ASH1L: variants seen among roughly 807,000 people sequenced by gnomAD.
ASH1L encodes ASH1 like histone lysine methyltransferase.
A neutral mutation model predicts 269.0 loss-of-function variants in ASH1L; 23 were observed. The ratio of observed to expected loss-of-function variants is 0.09; its 90% CI spans 0.06 to 0.12. The LOEUF is 0.12. Ranked by LOEUF, ASH1L falls within the 10% of genes least tolerant of loss-of-function variation. ASH1L has a pLI of 1.00. For missense variants in ASH1L, 2,912 were observed against 3,567.8 expected, an observed-to-expected ratio of 0.82 and a Z score of 4.68; for synonymous variants, 1,187 against 1,253.5, an observed-to-expected ratio of 0.95 and a Z score of 1.12.
At chr1:155,500,158 T>A (rs997333123) in intron 2 of ASH1L, among the ~76,000 whole-genome samples, 3 of 152,242 alleles carry the variant, frequency 2.0e-5, no homozygotes, top group African/African-American at 7.2e-5. Flanking sequence ...GCTTCCGTAA[T>A]AGAAGTCATT....
At chr1:155,534,709 A>G (rs763301698) in intron 1 of ASH1L, among the ~76,000 whole-genome samples, 2 of 152,188 alleles carry the variant, frequency 1.3e-5, no homozygotes, top group Non-Finnish European at 2.9e-5. Context: ...AGCTGAAAAT[A>G]TATGTATATG....
intron 6 of ASH1L, among the ~76,000 whole-genome samples, chr1:155,406,379 T>C (rs1659296479): frequency 6.6e-6 from 1 of 152,038 alleles, no homozygotes; most frequent in African/African-American, 2.4e-5. Flanking sequence ...GTTGAAGGAA[T>C]CACACTTTCT....
At chr1:155,455,326 G>T (rs973776696) in intron 4 of ASH1L, among the ~76,000 whole-genome samples, 3 of 152,064 alleles carry the variant, frequency 2.0e-5, no homozygotes, top group Non-Finnish European at 2.9e-5. Context: ...TAATAATTTT[G>T]TTACTATGGG....
intron 4 of ASH1L, among the ~76,000 whole-genome samples, chr1:155,453,307 A>G (rs1034092441): frequency 2.6e-5 from 4 of 152,060 alleles, no homozygotes; most frequent in African/African-American, 9.7e-5. Flanking sequence ...GTGAGCCATG[A>G]TCATGCAACT....
chr1:155,433,093 CAG>C (rs1362737615), intron 5 of ASH1L: 2 of 1,307,376 alleles, frequency 1.5e-6, no homozygotes, highest in East Asian at 2.5e-5. Flanking sequence ...ACTGCTATGA[CAG>C]AGATACCAAA....
chr1:155,357,495 T>C, intron 14 of ASH1L, 85 bp from the exon 15 acceptor site: 5 of 1,594,780 alleles, frequency 3.1e-6, no homozygotes, highest in Non-Finnish European at 4.3e-6. Flanking sequence ...ACTCTTAAGA[T>C]GCCACCCTCT....
intron 4 of ASH1L, among the ~76,000 whole-genome samples, chr1:155,448,262 C>T (rs772632724): frequency 1.3e-5 from 2 of 152,206 alleles, no homozygotes; most frequent in South Asian, 2.1e-4. Context: ...TGTAGCATAA[C>T]TGAAGTCAGG....
At chr1:155,345,200 A>G (rs1653161180) in intron 21 of ASH1L, among the ~76,000 whole-genome samples, 2 of 41,342 alleles carry the variant, frequency 4.8e-5, no homozygotes, top group African/African-American at 1.5e-4. Flanking sequence ...TTTTTTTTGG[A>G]GACTGAGTCT....
At position 155,490,617 on chromosome 1, in the gene ASH1L, C is replaced by CACAG. The variant is rs1419837244; in HGVS notation, c.421-8169_421-8168insCTGT. Among the ~76,000 whole-genome samples the CACAG allele has an allele frequency of 1.4e-4, 20 of 142,492 alleles. 2 individuals carry two copies. The South Asian group carries it at 4.4e-3, about 32-fold the overall frequency. The allele number at this position is 142,492 out of a possible 152,430, so 93.5% of individuals were successfully genotyped here. A position where few individuals can be genotyped will look rare whatever the true frequency, so the allele number is the denominator to read the frequency against. Reference sequence around the variant, plus strand: ...TGGGCTACACAGCCAGACTACGTCACACACACACACACACACACACACACA... The same window carrying CACAG: ...TGGGCTACACAGCCAGACTACGTCACACAGACACACACACACACACACACACACA... On this transcript the variant is annotated intron_variant, in intron 2 of 27. Coordinates refer to ENST00000392403, the MANE Select transcript of ASH1L (RefSeq NM_018489.3).
At chr1:155,355,834 T>C (rs956585066) in intron 15 of ASH1L, among the ~76,000 whole-genome samples, 1 of 152,104 alleles carries the variant, frequency 6.6e-6, no homozygotes, top group African/African-American at 2.4e-5. Flanking sequence ...ACAATTCTTA[T>C]CTGAATACAG....
At chr1:155,546,194 G>C (rs1224459015) in intron 1 of ASH1L, among the ~76,000 whole-genome samples, 1 of 150,110 alleles carries the variant, frequency 6.7e-6, no homozygotes, top group Non-Finnish European at 1.5e-5. Context: ...AGCCAGGTGT[G>C]GTGGCATGCA....
intron 5 of ASH1L, among the ~76,000 whole-genome samples, chr1:155,417,179 C>G (rs1018160393): frequency 4.0e-5 from 6 of 151,252 alleles, no homozygotes; most frequent in African/African-American, 9.7e-5. Flanking sequence ...AGGTGATCTG[C>G]CCACCTCAGC....
chr1:155,465,308 A>AAAAAC (rs1225958260), intron 3 of ASH1L, among the ~76,000 whole-genome samples: 1 of 151,296 alleles, frequency 6.6e-6, no homozygotes, highest in African/African-American at 2.4e-5. Context: ...AAAAAAAAAA[A>AAAAAC]AAAACAGTGA....
intron 5 of ASH1L, chr1:155,433,097 G>T: frequency 1.5e-6 from 2 of 1,319,078 alleles, no homozygotes; most frequent in South Asian, 3.1e-5. Context: ...CTATGACAGA[G>T]ATACCAAAAT....
At chr1:155,430,014 C>T (rs1169413874) in intron 5 of ASH1L, among the ~76,000 whole-genome samples, 6 of 151,468 alleles carry the variant, frequency 4.0e-5, no homozygotes, top group East Asian at 1.9e-4. Flanking sequence ...CTCACTCTGT[C>T]GCCCAGGCTG....
rs1415357869 is a variant in ASH1L, at chr1:155,441,456, T to C, written c.5087-2388A>G. ...ACCAGATATTTGAATAAAGAATCCT[T>C]TTTTTTTTTTTTTTTTTTTTTTTTG... On this transcript the variant is annotated intron_variant, in intron 4 of 27. Coordinates refer to ENST00000392403, the MANE Select transcript of ASH1L (RefSeq NM_018489.3). 3.2e-4 allele frequency among the ~76,000 whole-genome samples: 22 copies of C among 69,736 alleles called. No individual in the cohort carries two copies. In the East Asian group the frequency reaches 0.026, roughly 83 times the overall value. The allele number at this position is 69,736 out of a possible 152,430, so 45.7% of individuals were successfully genotyped here. A position where few individuals can be genotyped will look rare whatever the true frequency, so the allele number is the denominator to read the frequency against.
At chr1:155,351,238 C>CT (rs1477589561) in intron 17 of ASH1L, among the ~76,000 whole-genome samples, 1 of 139,046 alleles carries the variant, frequency 7.2e-6, no homozygotes, top group African/African-American at 2.7e-5. Flanking sequence ...GAATGAGACT[C>CT]TGTCTCAAAA....
At chr1:155,352,075 A>G (rs1453797981) in intron 17 of ASH1L, among the ~76,000 whole-genome samples, 1 of 151,964 alleles carries the variant, frequency 6.6e-6, no homozygotes, top group African/African-American at 2.4e-5. Context: ...TGGCAATTTC[A>G]CTAGCAGAGT....
At chr1:155,352,900 G>A (rs763189246) in intron 16 of ASH1L, 42 bp from the exon 17 acceptor site, 1 of 1,561,070 alleles carries the variant, frequency 6.4e-7, no homozygotes, top group Admixed American at 1.9e-5. Context: ...GAAACAAGGA[G>A]CTCTACATGT....
Sources: gnomAD v4.1 joint callset for allele counts (sites outside exome capture counted in the v4.1 genomes callset) on GRCh38, gnomAD v4.1.1 for gene constraint, MANE v1.5 for transcripts, NCBI Gene and HGNC (gene_info 2026-07-23, HGNC 2026-07-21) for gene names.